The following STK32A variants were observed in gnomAD, a reference collection of about 807,000 sequenced individuals.
The protein encoded by STK32A is serine/threonine-protein kinase 32A.
A neutral mutation model predicts 53.2 loss-of-function variants in STK32A; 41 were observed. The ratio of observed to expected loss-of-function variants is 0.77; its 90% CI spans 0.60 to 1.00. The LOEUF is 1.00. STK32A is among the 50% of genes least tolerant of loss of function. STK32A has a pLI of 0.00. For missense variants in STK32A, 458 were observed against 485.8 expected, an observed-to-expected ratio of 0.94 and a Z score of 0.54; for synonymous variants, 166 against 162.8, an observed-to-expected ratio of 1.02 and a Z score of -0.15.
At chr5:147,278,422 C>G (rs1438682387) in intron 3 of STK32A, among the ~76,000 whole-genome samples, 1 of 152,180 alleles carries the variant, frequency 6.6e-6, no homozygotes, top group Non-Finnish European at 1.5e-5. Context: ...TCTGTTTACT[C>G]TCAGTAAACT....
chr5:147,316,670 A>G (rs1036638695), intron 4 of STK32A, among the ~76,000 whole-genome samples: 1 of 152,110 alleles, frequency 6.6e-6, no homozygotes, highest in Non-Finnish European at 1.5e-5. Flanking sequence ...AGTCTGAGCA[A>G]CATAGTAAGA....
At chr5:147,292,542 A>G (rs1470821989) in intron 4 of STK32A, among the ~76,000 whole-genome samples, 2 of 152,228 alleles carry the variant, frequency 1.3e-5, no homozygotes, top group South Asian at 2.1e-4. Context: ...AAAAAGAATC[A>G]GCAATGTTCC....
intron 5 of STK32A, among the ~76,000 whole-genome samples, chr5:147,333,693 C>A (rs970895288): frequency 1.4e-4 from 22 of 152,218 alleles, no homozygotes; most frequent in Non-Finnish European, 2.8e-4. Flanking sequence ...ATTTATTATA[C>A]CCATTTGCTT....
chr5:147,368,449 G>T (rs1431900350), intron 8 of STK32A, among the ~76,000 whole-genome samples: 2 of 140,088 alleles, frequency 1.4e-5, no homozygotes, highest in African/African-American at 6.2e-5. Flanking sequence ...ATTTATTTAA[G>T]TGTGTGTGTG....
intron 4 of STK32A, among the ~76,000 whole-genome samples, chr5:147,317,323 C>CTTTTTTTTTTTTTTTTTT (rs3064294): frequency 3.2e-4 from 26 of 81,312 alleles, no homozygotes; most frequent in East Asian, 8.7e-4. Flanking sequence ...CTTTTTCTTT[C>CTTTTTTTTTTTTTTTTTT]TTTTTTTTTT....
chr5:147,399,658 T>C, the STK32A span, among the ~76,000 whole-genome samples: 67,499 of 152,084 alleles, frequency 0.44, 15,383 homozygotes, highest in East Asian at 0.55. Context: ...AAAAGAACCT[T>C]ACCCAAATGA....
intron 4 of STK32A, among the ~76,000 whole-genome samples, chr5:147,310,296 C>T (rs905956062): frequency 2.0e-5 from 3 of 152,110 alleles, no homozygotes; most frequent in East Asian, 1.9e-4. Context: ...GGGATGAAGG[C>T]GTGAAGGCTG....
At chr5:147,314,694 T>C (rs948432727) in intron 4 of STK32A, among the ~76,000 whole-genome samples, 12 of 151,052 alleles carry the variant, frequency 7.9e-5, no homozygotes, top group Non-Finnish European at 1.5e-4. Flanking sequence ...GAAATGCAAA[T>C]CAAAATCACA....
At chr5:147,356,365 T>C (rs913401086) in intron 7 of STK32A, among the ~76,000 whole-genome samples, 1 of 152,218 alleles carries the variant, frequency 6.6e-6, no homozygotes, top group Middle Eastern at 3.2e-3. Context: ...AGTTTTATTA[T>C]TGCATAATAT....
intron 2 of STK32A, among the ~76,000 whole-genome samples, chr5:147,241,693 A>C (rs1753590326): frequency 6.6e-6 from 1 of 152,178 alleles, no homozygotes. Context: ...CTTATCAAAT[A>C]GTAAAAGCAA....
intron 8 of STK32A, among the ~76,000 whole-genome samples, chr5:147,367,748 A>G (rs551646638): frequency 2.7e-4 from 41 of 152,228 alleles, no homozygotes; most frequent in African/African-American, 9.9e-4. Flanking sequence ...AGCCATCTGG[A>G]TGTGTATGTG....
intron 7 of STK32A, among the ~76,000 whole-genome samples, chr5:147,354,896 G>C (rs1178747415): frequency 6.6e-6 from 1 of 152,160 alleles, no homozygotes; most frequent in African/African-American, 2.4e-5. Flanking sequence ...AATGTTTCTT[G>C]CCTTATTCCA....
chr5:147,267,829 C>T (rs1309318627), intron 2 of STK32A, among the ~76,000 whole-genome samples: 3 of 152,174 alleles, frequency 2.0e-5, no homozygotes, highest in Non-Finnish European at 2.9e-5. Context: ...CCTCCTCTGC[C>T]TGGCTACCTT....
intron 4 of STK32A, among the ~76,000 whole-genome samples, chr5:147,280,889 C>G (rs1253687220): frequency 6.6e-6 from 1 of 152,152 alleles, no homozygotes; most frequent in Admixed American, 6.5e-5. Context: ...CCATTGTACT[C>G]CCTGCCACCT....
intron 5 of STK32A, among the ~76,000 whole-genome samples, chr5:147,335,610 G>A (rs946055755): frequency 6.6e-6 from 1 of 152,136 alleles, no homozygotes; most frequent in African/African-American, 2.4e-5. Context: ...TTCCTCAGAA[G>A]CCCAGAACAT....
At chr5:147,284,930 T>C (rs971167977) in intron 4 of STK32A, among the ~76,000 whole-genome samples, 1 of 152,240 alleles carries the variant, frequency 6.6e-6, no homozygotes, top group Admixed American at 6.5e-5. Context: ...ACCATCATTC[T>C]TCACAGAATT....
chr5:147,326,198 G>A (rs982953794), intron 5 of STK32A, among the ~76,000 whole-genome samples: 25 of 151,970 alleles, frequency 1.6e-4, no homozygotes, highest in Middle Eastern at 3.4e-3. Context: ...TTTTCTCACC[G>A]TTATCATCAT....
intron 5 of STK32A, among the ~76,000 whole-genome samples, chr5:147,328,760 T>C (rs1321518715): frequency 6.6e-6 from 1 of 152,188 alleles, no homozygotes; most frequent in East Asian, 1.9e-4. Context: ...ATTTGTTGAT[T>C]GCCTCAGCCT....
chr5:147,289,530 G>A (rs1752499803), intron 4 of STK32A, among the ~76,000 whole-genome samples: 1 of 151,754 alleles, frequency 6.6e-6, no homozygotes, highest in Non-Finnish European at 1.5e-5. Context: ...AAGTTTGTGT[G>A]TGTGAATAGG....
Sources: gnomAD v4.1 joint callset for allele counts (sites outside exome capture counted in the v4.1 genomes callset) on GRCh38, gnomAD v4.1.1 for gene constraint, MANE v1.5 for transcripts, NCBI Gene and HGNC (gene_info 2026-07-23, HGNC 2026-07-21) for gene names.